The following TRAPPC9 variants were observed in gnomAD, a reference collection of about 807,000 sequenced individuals.
TRAPPC9 encodes the protein IKK2 binding protein.
A neutral mutation model predicts 124.0 loss-of-function variants in TRAPPC9; 83 were observed. The observed-to-expected ratio is 0.67, with a 90% confidence interval of 0.56 to 0.80. The LOEUF (loss-of-function observed/expected upper bound fraction) is 0.80, where lower values mean the gene tolerates loss of function less well. Among genes scored for constraint, TRAPPC9 ranks in the 30% least tolerant of loss-of-function variants. The probability of loss-of-function intolerance (pLI) is 0.00; values close to 1 mark genes in which losing one functional copy is unlikely to be tolerated. For missense variants in TRAPPC9, 1,302 were observed against 1,508.3 expected (o/e 0.86, Z 2.27); for synonymous variants, 638 against 617.5 (o/e 1.03, Z -0.49).
At chr8:140,320,564 G>T (rs62529381) in intron 9 of TRAPPC9, among the ~76,000 whole-genome samples, 12,861 of 152,190 alleles carry the variant, frequency 0.085, 676 homozygotes, top group African/African-American at 0.14. Flanking sequence ...GACCAAGCAG[G>T]GCCCAGCCAA....
At chr8:140,363,359 T>G (rs1328770955) in intron 8 of TRAPPC9, among the ~76,000 whole-genome samples, 1 of 152,256 alleles carries the variant, frequency 6.6e-6, no homozygotes, top group African/African-American at 2.4e-5. Flanking sequence ...TTTTGGGACC[T>G]GAGAATACAG....
intron 17 of TRAPPC9, among the ~76,000 whole-genome samples, chr8:140,186,997 G>A (rs1302705068): frequency 6.6e-6 from 1 of 152,090 alleles, no homozygotes; most frequent in African/African-American, 2.4e-5. Flanking sequence ...ACACCCACTC[G>A]ATACTCGTCT....
At chr8:140,399,631 C>A (rs948958704) in intron 6 of TRAPPC9, among the ~76,000 whole-genome samples, 1 of 152,184 alleles carries the variant, frequency 6.6e-6, no homozygotes, top group East Asian at 1.9e-4. Flanking sequence ...AATGTGTATA[C>A]CCCCATTGTA....
chr8:139,839,615 C>G (rs1473965594), intron 21 of TRAPPC9, among the ~76,000 whole-genome samples: 1 of 152,212 alleles, frequency 6.6e-6, no homozygotes, highest in Non-Finnish European at 1.5e-5. Flanking sequence ...TCGGAACCCA[C>G]AGTAACTGCT....
At chr8:140,348,935 G>C (rs1322314067) in intron 9 of TRAPPC9, among the ~76,000 whole-genome samples, 2 of 152,084 alleles carry the variant, frequency 1.3e-5, no homozygotes, top group East Asian at 1.9e-4. Context: ...CTGGGAAAAG[G>C]AAGAAAGCAC....
intron 21 of TRAPPC9, among the ~76,000 whole-genome samples, chr8:139,843,930 G>A (rs1008562595): frequency 2.0e-5 from 3 of 152,226 alleles, no homozygotes; most frequent in Non-Finnish European, 4.4e-5. Flanking sequence ...GATGAGCTGC[G>A]GACTCCAGCG....
chr8:140,419,757 G>A (rs1192645243), intron 5 of TRAPPC9, among the ~76,000 whole-genome samples: 1 of 151,928 alleles, frequency 6.6e-6, no homozygotes, highest in Admixed American at 6.6e-5. Context: ...GTGGTGGCGG[G>A]CGCCTATAGT....
At chr8:140,211,080 T>G (rs571663436) in intron 17 of TRAPPC9, among the ~76,000 whole-genome samples, 1 of 152,160 alleles carries the variant, frequency 6.6e-6, no homozygotes, top group South Asian at 2.1e-4. Flanking sequence ...TTTGGTCCAT[T>G]TGCAACTGTA....
chr8:140,312,616 G>C (rs2066327655), intron 9 of TRAPPC9, among the ~76,000 whole-genome samples: 1 of 152,150 alleles, frequency 6.6e-6, no homozygotes, highest in Non-Finnish European at 1.5e-5. Context: ...GCTGTAAAGT[G>C]AAGCCAAGTG....
intron 21 of TRAPPC9, among the ~76,000 whole-genome samples, chr8:139,840,940 C>A (rs762946572): frequency 1.3e-5 from 2 of 152,126 alleles, no homozygotes; most frequent in Non-Finnish European, 2.9e-5. Context: ...TCTGATGCCT[C>A]GGGTCTGGGA....
chr8:139,850,537 A>G (rs1283144150), intron 21 of TRAPPC9, among the ~76,000 whole-genome samples: 3 of 152,260 alleles, frequency 2.0e-5, no homozygotes, highest in Non-Finnish European at 4.4e-5. Flanking sequence ...GGAAGAGCAA[A>G]ATGCTAATAT....
intron 5 of TRAPPC9, among the ~76,000 whole-genome samples, chr8:140,416,995 T>C (rs138464915): frequency 0.043 from 6,544 of 152,142 alleles, 494 homozygotes; most frequent in African/African-American, 0.15. Context: ...ATAAATGGTG[T>C]TGGGAAAACT....
chr8:139,931,845 A>C (rs1833164627), intron 19 of TRAPPC9: 1 of 171,524 alleles, frequency 5.8e-6, no homozygotes, highest in African/African-American at 2.4e-5. Context: ...AATTAAGCCC[A>C]TTTCACCCGG....
chr8:139,812,702 A>C (rs1221232055), intron 21 of TRAPPC9, among the ~76,000 whole-genome samples: 2 of 152,208 alleles, frequency 1.3e-5, no homozygotes, highest in African/African-American at 4.8e-5. Context: ...ACTCCTATAT[A>C]AATTAGTGTA....
chr8:140,167,038 T>C (rs1193847676), intron 17 of TRAPPC9, among the ~76,000 whole-genome samples: 1 of 151,982 alleles, frequency 6.6e-6, no homozygotes, highest in Admixed American at 6.6e-5. Flanking sequence ...CCAAAAAAGG[T>C]AGCTGAATCA....
Position 139,732,121 on chromosome 8 carries a change from C to T in TRAPPC9, c.3137G>A (p.Arg1046Gln), listed in dbSNP as rs545480303. The change falls in exon 22 of 23, where the codon CGG becomes CAG. Residue 1046 changes from arginine (R) to glutamine (Q), a missense_variant. By Grantham distance (43) the Arg-to-Gln change is conservative. Coordinates refer to ENST00000438773, the MANE Select transcript of TRAPPC9 (RefSeq NM_001160372.4). The stretch of plus-strand genomic sequence containing the variant: ...GCTGCGCGGGCTCCGGTTGGTCAGC[C>T]GCACCTCCAGGCGCACGGGGTCGCC... ...QVGDPVRLEV[R>Q]LTNRSPRSVG... The T allele has an allele frequency of 1.4e-5, 22 of 1,606,954 alleles. No individual in the cohort carries two copies. Among genetic ancestry groups the T allele is most frequent in the East Asian group, 6.7e-5 (3 of 44,580 alleles).
At chr8:139,905,271 A>G (rs1751689906) in intron 20 of TRAPPC9, among the ~76,000 whole-genome samples, 1 of 152,194 alleles carries the variant, frequency 6.6e-6, no homozygotes, top group Non-Finnish European at 1.5e-5. Context: ...ATTCTCTTTA[A>G]AATCAGCAGG....
chr8:139,766,623 C>T (rs1307614815), intron 21 of TRAPPC9, among the ~76,000 whole-genome samples: 1 of 152,194 alleles, frequency 6.6e-6, no homozygotes, highest in Non-Finnish European at 1.5e-5. Context: ...TGCTCCTCCT[C>T]ATTGATAACG....
At chr8:140,397,057 T>C (rs748456206) in intron 7 of TRAPPC9, among the ~76,000 whole-genome samples, 5 of 152,234 alleles carry the variant, frequency 3.3e-5, no homozygotes, top group South Asian at 2.1e-4. Flanking sequence ...TCAGTTTCCC[T>C]ATCTATAAAG....
Sources: allele counts gnomAD v4.1 joint callset (sites outside exome capture counted in the v4.1 genomes callset), GRCh38; gene constraint gnomAD v4.1.1; transcripts MANE v1.5; gene names NCBI Gene and HGNC (gene_info 2026-07-23, HGNC 2026-07-21).